The following CWC25 variants were observed in gnomAD, a reference collection of about 807,000 sequenced individuals.
The protein encoded by CWC25 is pre-mRNA-splicing factor CWC25 homolog.
Under a neutral mutation model 54.6 loss-of-function variants are expected in CWC25, and 31 were observed. The ratio of observed to expected loss-of-function variants is 0.57; its 90% CI spans 0.43 to 0.77. The LOEUF (loss-of-function observed/expected upper bound fraction) is 0.77, where lower values mean the gene tolerates loss of function less well. Ranked by LOEUF, CWC25 falls within the 30% of genes least tolerant of loss-of-function variation. The pLI, the probability that CWC25 is intolerant of heterozygous loss-of-function variation, is 0.00. For synonymous variants in CWC25, 151 were observed against 187.0 expected (o/e 0.81, Z 1.57); for missense variants, 453 against 529.3 (o/e 0.86, Z 1.41).
At chr17:38,815,934 A>AAAGAGCCAAACACTGAAT in intron 2 of CWC25, among the ~76,000 whole-genome samples, 1 of 152,192 alleles carries the variant, frequency 6.6e-6, no homozygotes, top group Non-Finnish European at 1.5e-5. Flanking sequence ...TTTCAAGCCA[A>AAAGAGCCAAACACTGAAT]AAGAGCCAAA....
intron 2 of CWC25, among the ~76,000 whole-genome samples, chr17:38,816,694 T>C (rs745363341): frequency 6.6e-6 from 1 of 151,732 alleles, no homozygotes; most frequent in Non-Finnish European, 1.5e-5. Flanking sequence ...GACCCTTTTT[T>C]TTTTCCCCCA....
At position 38,802,172 on chromosome 17, in the gene CWC25, G is replaced by T. The variant is rs200827941; in HGVS notation, c.1198C>A (p.Leu400Met). 1,293 of 1,613,806 alleles carry T rather than the reference G, an allele frequency of 8.0e-4. 3 individuals carry two copies. Among genetic ancestry groups the T allele is most frequent in the Non-Finnish European group, 9.7e-4 (1,146 of 1,179,736 alleles). ...MKLESASTSS[L>M]EDRVKRNIYS... ...ATATTCCGCTTCACCCGATCCTCCA[G>T]GGAGGAAGTAGATGCACTCTCCAGC... The change falls in exon 10 of 10, where the codon CTG (leucine) becomes ATG (methionine). Residue 400 changes from leucine (L) to methionine (M), a missense_variant. By Grantham distance (15) the Leu-to-Met change is conservative. This residue lies in a region of CWC25 where 444 missense variants were observed against 499.2 expected (regional missense o/e 0.89). Transcript: ENST00000614790.
intron 1 of CWC25, among the ~76,000 whole-genome samples, chr17:38,823,131 C>T (rs1911994364): frequency 6.6e-6 from 1 of 151,408 alleles, no homozygotes; most frequent in South Asian, 2.1e-4. Context: ...AGCCACCACA[C>T]CCAGCCTGAC....
intron 1 of CWC25, among the ~76,000 whole-genome samples, chr17:38,822,012 C>T (rs550893856): frequency 6.9e-4 from 105 of 151,996 alleles, no homozygotes; most frequent in Non-Finnish European, 1.2e-3. Flanking sequence ...TCATGATCTG[C>T]CCGCAGTGGC....
At position 38,802,056 on chromosome 17, in the gene CWC25, A is replaced by C. The variant is rs1216153151; in HGVS notation, c.*36T>G. The C allele has an allele frequency of 7.2e-7, 1 of 1,389,436 alleles. No homozygotes were observed. The highest frequency in any genetic ancestry group is 1.0e-6 in the Non-Finnish European group (1 of 981,050). 86.1% of individuals were successfully genotyped at this position (1,389,436 alleles called of 1,614,324 possible). On this transcript the variant is annotated 3_prime_UTR_variant, in exon 10 of 10. Transcript: ENST00000614790. ...ATTAAGGGGTCAGCAGCTTCCCTGG[A>C]AAATGCAGGAAAACCAATAAGAGAG...
intron 6 of CWC25, 92 bp downstream of exon 6, chr17:38,809,610 G>A: frequency 8.3e-7 from 1 of 1,206,392 alleles, no homozygotes; most frequent in Non-Finnish European, 1.2e-6. Context: ...AGCAGCCCAG[G>A]CTTCACTGCC....
intron 4 of CWC25, among the ~76,000 whole-genome samples, chr17:38,812,229 G>A (rs1447218717): frequency 2.0e-5 from 3 of 151,900 alleles, no homozygotes; most frequent in South Asian, 2.1e-4. Context: ...GAGCCACCGC[G>A]CCCAGCCCCT....
chr17:38,802,021 TATAAAG>T lies in CWC25; in HGVS notation c.*65_*70del. 2.1e-6 allele frequency: 2 copies of T among 945,610 alleles called. No homozygotes were observed. Among genetic ancestry groups the T allele is most frequent in the South Asian group, 1.5e-5 (1 of 67,366 alleles). The allele number at this position is 945,610 out of a possible 1,614,324, so 58.6% of individuals were successfully genotyped here. A position where few individuals can be genotyped will look rare whatever the true frequency, so the allele number is the denominator to read the frequency against. Reference sequence around the variant, plus strand: ...CTGTGAAAGAAGTCATTTGAACTCTTATAAAGAGAATTAAGGGGTCAGCAGCTTCCC... The same window carrying T: ...CTGTGAAAGAAGTCATTTGAACTCTTAGAATTAAGGGGTCAGCAGCTTCCC... On this transcript the variant is annotated 3_prime_UTR_variant, in exon 10 of 10. Coordinates refer to ENST00000614790, the MANE Select transcript of CWC25 (RefSeq NM_017748.5).
Position 38,812,777 on chromosome 17 carries a change from A to C in CWC25, c.498+18T>G, listed in dbSNP as rs972571336. 2.2e-6 allele frequency: 3 copies of C among 1,383,942 alleles called. No individual in the cohort carries two copies. In the African/African-American group the frequency reaches 4.3e-5, roughly 20 times the overall value. 85.7% of individuals were successfully genotyped at this position (1,383,942 alleles called of 1,614,324 possible). On this transcript the variant is annotated intron_variant, in intron 4 of 9. Transcript: ENST00000614790. ...TGGCTAAAAGATGCTCTTGGTGCTT[A>C]TCTGGTATACTACTTACCAATTCTT... is the stretch of plus-strand genomic sequence containing the variant.
intron 4 of CWC25, among the ~76,000 whole-genome samples, chr17:38,811,145 C>T (rs1351497180): frequency 6.7e-6 from 1 of 149,868 alleles, no homozygotes; most frequent in Non-Finnish European, 1.5e-5. Context: ...GCAGAAGAAT[C>T]ACTTGAACCC....
chr17:38,822,444 C>G (rs1286526325), intron 1 of CWC25, among the ~76,000 whole-genome samples: 1 of 152,096 alleles, frequency 6.6e-6, no homozygotes, highest in African/African-American at 2.4e-5. Flanking sequence ...TACAACCCAC[C>G]CAGAATCTCT....
At chr17:38,818,921 T>C (rs1911813358) in intron 2 of CWC25, among the ~76,000 whole-genome samples, 1 of 152,108 alleles carries the variant, frequency 6.6e-6, no homozygotes, top group South Asian at 2.1e-4. Flanking sequence ...TGATGTGTAA[T>C]GCTTTGGTGA....
rs1911340018 is a variant in CWC25, at chr17:38,808,320, T to TCG, written c.691-1345_691-1344insCG. On this transcript the variant is annotated intron_variant, in intron 6 of 9. Transcript: ENST00000614790. ...TCACTTGAATGCAGGAGGCAGAGGT[T>TCG]GCAGTGAGCCGAGATCGCACCATTG... Among the ~76,000 whole-genome samples the TCG allele has an allele frequency of 5.9e-5, 8 of 136,046 alleles. 1 individual carries two copies. In the Admixed American group the frequency reaches 6.4e-4, roughly 11 times the overall value. 89.3% of individuals were successfully genotyped at this position (136,046 alleles called of 152,430 possible).
intron 2 of CWC25, chr17:38,815,481 T>C (rs747944531): frequency 4.8e-6 from 2 of 420,470 alleles, no homozygotes; most frequent in African/African-American, 2.0e-5. Flanking sequence ...CACTTGAACC[T>C]GGGAGGCAGA....
At chr17:38,802,996 T>A (rs149366494) in intron 8 of CWC25, 135 bp from the exon 9 acceptor site, 144 of 977,388 alleles carry the variant, frequency 1.5e-4, no homozygotes, top group Non-Finnish European at 2.6e-5. Context: ...CCAGCCTGAG[T>A]TCCCTTCTAA....
intron 3 of CWC25, among the ~76,000 whole-genome samples, chr17:38,813,588 G>C (rs1390998845): frequency 2.7e-5 from 4 of 149,850 alleles, no homozygotes; most frequent in African/African-American, 9.8e-5. Flanking sequence ...CAGTCGTCCA[G>C]GCTGCAGTGC....
Position 38,806,293 on chromosome 17 carries a change from TC to T in CWC25, c.1001+3del, listed in dbSNP as rs1314252645. Reference sequence around the variant, plus strand: ...GTGGTTAATCAACTGGGCTCCTGACTCACCTGGTGTATCCGGGAGCATGTCG... The same window carrying T: ...GTGGTTAATCAACTGGGCTCCTGACTACCTGGTGTATCCGGGAGCATGTCG... On this transcript the variant is annotated splice_donor_region_variant and intron_variant, in intron 8 of 9. Transcript: ENST00000614790. The T allele has an allele frequency of 6.2e-7, 1 of 1,608,636 alleles. No homozygotes were observed. Among genetic ancestry groups the T allele is most frequent in the African/African-American group, 1.3e-5 (1 of 75,008 alleles).
At chr17:38,814,467 G>A (rs186870412) in intron 3 of CWC25, among the ~76,000 whole-genome samples, 29 of 151,302 alleles carry the variant, frequency 1.9e-4, no homozygotes, top group African/African-American at 7.0e-4. Context: ...TAGGCTGGGC[G>A]TGGTGGCTCA....
chr17:38,815,526 T>C (rs542179861), intron 2 of CWC25: 26 of 538,580 alleles, frequency 4.8e-5, no homozygotes, highest in African/African-American at 4.6e-4. Flanking sequence ...CACTCCAGCC[T>C]GGGTGACGGA....
Sources: allele counts gnomAD v4.1 joint callset (sites outside exome capture counted in the v4.1 genomes callset), GRCh38; gene constraint gnomAD v4.1.1; regional missense constraint gnomAD v4.1.1; transcripts MANE v1.5; gene names NCBI Gene and HGNC (gene_info 2026-07-23, HGNC 2026-07-21).